The following RFT1 variants were observed in gnomAD, a reference collection of about 807,000 sequenced individuals.
RFT1 encodes RFT1 glycolipid translocator homolog.
In RFT1, 43 loss-of-function variants were observed where a neutral mutation model predicts 62.2. The ratio of observed to expected loss-of-function variants is 0.69; its 90% CI spans 0.54 to 0.89. The LOEUF (loss-of-function observed/expected upper bound fraction) is 0.89. Among genes scored for constraint, RFT1 ranks in the 40% least tolerant of loss-of-function variants. RFT1 has a pLI of 0.00. For synonymous variants in RFT1, 262 were observed against 264.6 expected (o/e 0.99, Z 0.10); for missense variants, 605 against 649.9 (o/e 0.93, Z 0.75).
At position 53,123,821 on chromosome 3, in the gene RFT1, T is replaced by C; in HGVS notation, c.169A>G (p.Thr57Ala). Residue 57 changes from threonine (T) to alanine (A), a missense_variant, in exon 3 of 13, where the codon ACC becomes GCC. By Grantham distance (58) the Thr-to-Ala change is moderately conservative. Coordinates refer to ENST00000296292, the MANE Select transcript of RFT1 (RefSeq NM_052859.4). ...GCCTCTCTGGCCAGGAAGAGGGTGG[T>C]TGAGTAAAGCAGCGTTAGTCTGTAA... ...VNVRLTLLYS[T>A]TLFLAREAFR... 6.2e-7 allele frequency: 1 copy of C among 1,613,808 alleles called. No individual in the cohort carries two copies. The highest frequency in any genetic ancestry group is 8.5e-7 in the Non-Finnish European group (1 of 1,179,870).
At chr3:53,103,081 C>A (rs201298646) in intron 10 of RFT1, 1 of 984,666 alleles carries the variant, frequency 1.0e-6, no homozygotes, top group East Asian at 1.1e-4. Flanking sequence ...GCAGGTGTTT[C>A]TCCAAACTTA....
Position 53,091,537 on chromosome 3 carries a change from C to A in RFT1, c.*366G>T. The A allele has an allele frequency of 3.8e-6, 1 of 265,250 alleles. No homozygotes were observed. The highest frequency in any genetic ancestry group is 4.2e-5 in the South Asian group (1 of 23,632). The allele number at this position is 265,250 out of a possible 1,614,324, so 16.4% of individuals were successfully genotyped here. On this transcript the variant is annotated 3_prime_UTR_variant, in exon 13 of 13. Transcript: ENST00000296292. ...AATCACTGCATCTCTTTTTCTGGGC[C>A]AGATAATTATTAACAGTTAACAATT...
chr3:53,121,422 G>C (rs1416848396), intron 5 of RFT1, among the ~76,000 whole-genome samples: 1 of 152,034 alleles, frequency 6.6e-6, no homozygotes, highest in Non-Finnish European at 1.5e-5. Flanking sequence ...TTTGAAACAG[G>C]CTTGCCCACT....
At chr3:53,068,307 T>C in the RFT1 span, among the ~76,000 whole-genome samples, 1,898 of 152,172 alleles carry the variant, frequency 0.012, 112 homozygotes, top group South Asian at 0.17. Flanking sequence ...GCACTGGCTC[T>C]GCAGGAGAGA....
At chr3:53,111,932 C>T (rs1483886254) in intron 6 of RFT1, 24 bp from the exon 7 acceptor site, 2 of 1,575,902 alleles carry the variant, frequency 1.3e-6, no homozygotes, top group Admixed American at 3.3e-5. Flanking sequence ...CAAAACAAAA[C>T]AAAAACATCA....
chr3:53,103,083 C>T (rs1359881516), intron 10 of RFT1: 1 of 984,930 alleles, frequency 1.0e-6, no homozygotes, highest in East Asian at 1.1e-4. Flanking sequence ...AGGTGTTTCT[C>T]CAAACTTAAT....
intron 8 of RFT1, 72 bp downstream of exon 8, chr3:53,106,746 CA>C: frequency 9.1e-7 from 1 of 1,093,822 alleles, no homozygotes; most frequent in Non-Finnish European, 1.4e-6. Flanking sequence ...TTAAATATAT[CA>C]GAGAAAAATA....
intron 11 of RFT1, among the ~76,000 whole-genome samples, chr3:53,092,875 A>G (rs1369775043): frequency 2.0e-5 from 3 of 152,242 alleles, no homozygotes; most frequent in Non-Finnish European, 4.4e-5. Context: ...CTTTGTGATC[A>G]AAACATAAAA....
chr3:53,105,873 A>C (rs1329569814), intron 8 of RFT1, 70 bp from the exon 9 acceptor site: 1 of 1,303,030 alleles, frequency 7.7e-7, no homozygotes, highest in African/African-American at 1.5e-5. Flanking sequence ...GCACTATTAA[A>C]ATTATTTAAT....
intron 7 of RFT1, among the ~76,000 whole-genome samples, chr3:53,108,055 G>A (rs71301816): frequency 0.076 from 11,611 of 152,094 alleles, 537 homozygotes; most frequent in East Asian, 0.12. Context: ...GTTTTGTTGT[G>A]GTTGTTGTTT....
rs1700926603 is a variant in RFT1 at position 53,089,214 on chromosome 3, G to A, written c.*2689C>T. 6.6e-6 allele frequency: 1 copy of A among 152,410 alleles called. No individual in the cohort carries two copies. Among genetic ancestry groups the A allele is most frequent in the Admixed American group, 6.5e-5 (1 of 15,278 alleles). The allele number at this position is 152,410 out of a possible 1,614,324, so 9.4% of individuals were successfully genotyped here. ...GGGAAGTGGCTGGGAACAGGGCAGAGTAGCGGTTCCAGAGCCAGAAGTTGC... is the reference window on the plus strand; with the variant it reads ...GGGAAGTGGCTGGGAACAGGGCAGAATAGCGGTTCCAGAGCCAGAAGTTGC... On this transcript the variant is annotated 3_prime_UTR_variant, in exon 13 of 13. Transcript: ENST00000296292.
chr3:53,117,560 C>G (rs1292250382), intron 6 of RFT1, among the ~76,000 whole-genome samples: 3 of 152,232 alleles, frequency 2.0e-5, no homozygotes, highest in Non-Finnish European at 2.9e-5. Flanking sequence ...ACAGCCTTCT[C>G]ATGATCAGGG....
chr3:53,105,426 C>CCCA (rs1701440350), intron 9 of RFT1, among the ~76,000 whole-genome samples: 1 of 129,602 alleles, frequency 7.7e-6, no homozygotes, highest in African/African-American at 2.9e-5. Context: ...CCCCCCCCCC[C>CCCA]AAAAAGAGTA....
At chr3:53,121,221 G>A (rs1367878122) in intron 5 of RFT1, among the ~76,000 whole-genome samples, 1 of 152,128 alleles carries the variant, frequency 6.6e-6, no homozygotes, top group African/African-American at 2.4e-5. Flanking sequence ...TACCTACTCT[G>A]ACTTGATTCA....
At chr3:53,123,981 G>T in intron 2 of RFT1, 141 bp from the exon 3 acceptor site, 1 of 690,918 alleles carries the variant, frequency 1.4e-6, no homozygotes, top group Non-Finnish European at 2.6e-6. Context: ...GGCTCTTACA[G>T]GACCCCCTAC....
chr3:53,092,456 G>A lies in RFT1; in HGVS notation c.1371C>T (p.Ser457=), dbSNP rs1462754092. The change falls in exon 12 of 13, where the codon AGC becomes AGT. Residue 457 remains serine (S), a synonymous_variant. Transcript: ENST00000296292. The part of the protein sequence containing the change: ...LCFIHRYYRR[S]PHRPLAGLHL... ...GCAGGCCAGCCAGGGGCCTGTGGGG[G>A]CTCCTTCGGTAGTAGCGGTGGATGA... 6.2e-7 allele frequency: 1 copy of A among 1,611,848 alleles called. No homozygotes were observed. Among genetic ancestry groups the A allele is most frequent in the African/African-American group, 1.3e-5 (1 of 75,058 alleles).
chr3:53,116,151 A>G (rs1701784706), intron 6 of RFT1, among the ~76,000 whole-genome samples: 1 of 152,254 alleles, frequency 6.6e-6, no homozygotes, highest in Non-Finnish European at 1.5e-5. Flanking sequence ...ATTAAGTCAA[A>G]TTGATAGTAA....
chr3:53,082,124 A>G, the RFT1 span, among the ~76,000 whole-genome samples: 1 of 151,728 alleles, frequency 6.6e-6, no homozygotes, highest in East Asian at 1.9e-4. Context: ...TTTATTATTT[A>G]TAGAAACAGA....
the RFT1 span, among the ~76,000 whole-genome samples, chr3:53,068,458 C>G: frequency 4.6e-4 from 70 of 152,242 alleles, 1 homozygote; most frequent in African/African-American, 1.6e-3. Flanking sequence ...GATGACCTGT[C>G]CATGGGTGGG....
Sources: allele counts gnomAD v4.1 joint callset (sites outside exome capture counted in the v4.1 genomes callset), GRCh38; gene constraint gnomAD v4.1.1; transcripts MANE v1.5; gene names NCBI Gene and HGNC (gene_info 2026-07-23, HGNC 2026-07-21).